COL4A4: variants seen among roughly 807,000 people sequenced by gnomAD.
COL4A4 encodes collagen alpha-4(IV) chain.
A neutral mutation model predicts 192.9 loss-of-function variants in COL4A4; 105 were observed. The observed-to-expected ratio is 0.54, with a 90% confidence interval of 0.46 to 0.64. COL4A4 has a LOEUF of 0.64. COL4A4 is among the 30% of genes least tolerant of loss of function. The pLI, the probability that COL4A4 is intolerant of heterozygous loss-of-function variation, is 0.00. For synonymous variants in COL4A4, 762 were observed against 769.9 expected (o/e 0.99, Z 0.17); for missense variants, 1,967 against 2,169.3 (o/e 0.91, Z 1.85).
intron 20 of COL4A4, among the ~76,000 whole-genome samples, chr2:227,091,955 T>C (rs2059963460): frequency 6.7e-6 from 1 of 148,834 alleles, no homozygotes; most frequent in Non-Finnish European, 1.5e-5. Flanking sequence ...AGAAAAGACA[T>C]GACATGAAAG....
At chr2:227,069,339 A>G (rs1295652489) in intron 25 of COL4A4, among the ~76,000 whole-genome samples, 3 of 152,150 alleles carry the variant, frequency 2.0e-5, no homozygotes, top group African/African-American at 7.2e-5. Context: ...GCTACCAATG[A>G]CTTTCTTCAC....
chr2:227,087,634 G>A (rs1037084675), intron 22 of COL4A4, among the ~76,000 whole-genome samples: 3 of 152,156 alleles, frequency 2.0e-5, no homozygotes, highest in African/African-American at 7.2e-5. Context: ...GGCATTGGCT[G>A]TCATATCTCA....
rs567252889 is a variant in COL4A4 at position 227,046,359 on chromosome 2, G to A, written c.3289+1116C>T. On this transcript the variant is annotated intron_variant, in intron 35 of 47. Coordinates refer to ENST00000396625, the MANE Select transcript of COL4A4 (RefSeq NM_000092.5). The stretch of plus-strand genomic sequence containing the variant: ...TAATGCACAAAATTATTGATATGAG[G>A]TGTTTTAATTTACAAGGTACCCATC... 4.0e-4 allele frequency among the ~76,000 whole-genome samples: 61 copies of A among 151,666 alleles called. 1 individual carries two copies. The highest frequency in any genetic ancestry group is 1.5e-3 in the African/African-American group (60 of 41,068).
At chr2:227,042,535 A>G (rs1034442873) in intron 36 of COL4A4, among the ~76,000 whole-genome samples, 1 of 152,186 alleles carries the variant, frequency 6.6e-6, no homozygotes, top group Non-Finnish European at 1.5e-5. Flanking sequence ...TAAGTGTGAC[A>G]TCTGCCTTAG....
intron 10 of COL4A4, 125 bp downstream of exon 10, chr2:227,109,099 C>T: frequency 2.0e-6 from 2 of 995,934 alleles, no homozygotes; most frequent in South Asian, 2.5e-5. Flanking sequence ...TGGGTTTTCA[C>T]TGATTCATCG....
At chr2:227,141,622 T>C (rs1042899746) in intron 3 of COL4A4, among the ~76,000 whole-genome samples, 1 of 152,154 alleles carries the variant, frequency 6.6e-6, no homozygotes, top group African/African-American at 2.4e-5. Flanking sequence ...TAAAAAGACA[T>C]CTTTGTAAAC....
intron 4 of COL4A4, among the ~76,000 whole-genome samples, chr2:227,138,729 G>A (rs553898061): frequency 6.6e-6 from 1 of 152,270 alleles, no homozygotes; most frequent in Admixed American, 6.5e-5. Flanking sequence ...AAGCATCAGT[G>A]GATTTGTCAT....
the COL4A4 span, among the ~76,000 whole-genome samples, chr2:226,971,354 G>A: frequency 2.6e-5 from 4 of 152,332 alleles, no homozygotes; most frequent in South Asian, 4.1e-4. Context: ...GTCGAAGGAC[G>A]TCTGAACCCT....
chr2:226,987,692 G>A, the COL4A4 span, among the ~76,000 whole-genome samples: 2 of 152,230 alleles, frequency 1.3e-5, no homozygotes, highest in African/African-American at 4.8e-5. Context: ...AGTGACCTGT[G>A]CCAGATCGTG....
chr2:227,091,054 A>C (rs2059892859), intron 20 of COL4A4, among the ~76,000 whole-genome samples: 1 of 151,882 alleles, frequency 6.6e-6, no homozygotes, highest in Non-Finnish European at 1.5e-5. Context: ...CCCTTCCTGA[A>C]ATTGGCAGCA....
At chr2:227,100,932 G>T (rs967811891) in intron 17 of COL4A4, among the ~76,000 whole-genome samples, 1 of 151,784 alleles carries the variant, frequency 6.6e-6, no homozygotes, top group South Asian at 2.1e-4. Flanking sequence ...AGCCTCCCAA[G>T]TAGCTGGGAC....
chr2:227,056,649 T>C (rs1234498659), intron 29 of COL4A4, among the ~76,000 whole-genome samples: 1 of 152,244 alleles, frequency 6.6e-6, no homozygotes, highest in Non-Finnish European at 1.5e-5. Context: ...ATATTGAAAA[T>C]AGCCCCTGCT....
chr2:226,979,310 A>T, the COL4A4 span, among the ~76,000 whole-genome samples: 1 of 152,198 alleles, frequency 6.6e-6, no homozygotes, highest in Non-Finnish European at 1.5e-5. Context: ...TTATGGACAC[A>T]TAGAAGGGTG....
At chr2:227,068,559 C>T (rs1022729619) in intron 25 of COL4A4, among the ~76,000 whole-genome samples, 1 of 152,126 alleles carries the variant, frequency 6.6e-6, no homozygotes, top group Non-Finnish European at 1.5e-5. Flanking sequence ...AAGGCTGGTT[C>T]AATATACGCG....
In COL4A4 at chr2:227,043,091, G is replaced by A; in HGVS notation, c.3383C>T (p.Pro1128Leu). Residue 1128 changes from proline to leucine, a missense_variant, in exon 36 of 48, where the codon CCA (proline) becomes CTA (leucine). Physicochemically the swap from Pro to Leu is moderately conservative, Grantham distance 98 (BLOSUM62 -3). Transcript: ENST00000396625. ...TTTCAAGGTACCTGGGCACCCTGGT[G>A]GTCCAGAGGAGCCAGGTGGCCCTGG... ...GRPGPPGSSGPPGCPGDHGMP... is the reference protein window; with the variant it reads ...GRPGPPGSSGLPGCPGDHGMP... The A allele has an allele frequency of 6.2e-7, 1 of 1,612,760 alleles. No homozygotes were observed. The highest frequency in any genetic ancestry group is 8.5e-7 in the Non-Finnish European group (1 of 1,179,290).
chr2:227,097,407 A>G (rs2060261202), intron 19 of COL4A4, among the ~76,000 whole-genome samples: 1 of 152,238 alleles, frequency 6.6e-6, no homozygotes, highest in African/African-American at 2.4e-5. Flanking sequence ...GTGTAATATA[A>G]ATGTATATGT....
At chr2:227,065,856 T>TG (rs2058302089) in intron 25 of COL4A4, among the ~76,000 whole-genome samples, 1 of 152,074 alleles carries the variant, frequency 6.6e-6, no homozygotes, top group East Asian at 1.9e-4. Context: ...TCGCCAGCAA[T>TG]GGAACAAAGC....
intron 35 of COL4A4, among the ~76,000 whole-genome samples, chr2:227,045,830 A>ATG (rs1559487645): frequency 3.9e-5 from 2 of 51,368 alleles, no homozygotes; most frequent in Admixed American, 2.1e-4. Flanking sequence ...ATATATATAT[A>ATG]TACACACATA....
At chr2:227,063,205 A>G (rs1977572053) in intron 25 of COL4A4, among the ~76,000 whole-genome samples, 1 of 152,196 alleles carries the variant, frequency 6.6e-6, no homozygotes, top group South Asian at 2.1e-4. Flanking sequence ...GTTTAAAGAA[A>G]GTTAATAAGC....
Sources: allele counts gnomAD v4.1 joint callset (sites outside exome capture counted in the v4.1 genomes callset), GRCh38; gene constraint gnomAD v4.1.1; transcripts MANE v1.5; gene names NCBI Gene and HGNC (gene_info 2026-07-23, HGNC 2026-07-21).